The following ZNF138 variants were observed in gnomAD, a reference collection of about 807,000 sequenced individuals.
The protein encoded by ZNF138 is zinc finger protein 138.
In ZNF138, 33 loss-of-function variants were observed where a neutral mutation model predicts 33.0. The ratio of observed to expected loss-of-function variants is 1.00; its 90% CI spans 0.76 to 1.34. The LOEUF (loss-of-function observed/expected upper bound fraction) is 1.34. ZNF138 is among the 40% of genes most tolerant of loss of function. The probability of loss-of-function intolerance (pLI) is 0.00; values close to 1 mark genes in which losing one functional copy is unlikely to be tolerated. For missense variants in ZNF138, 360 were observed against 370.8 expected (o/e 0.97, Z 0.24); for synonymous variants, 139 against 120.4 (o/e 1.15, Z -1.01).
intron 1 of ZNF138, among the ~76,000 whole-genome samples, chr7:64,805,214 T>C (rs6964731): frequency 0.99 from 149,969 of 152,210 alleles, 73,918 homozygotes; most frequent in East Asian, 1. Flanking sequence ...CTGACCAACA[T>C]GGTGAAACCC....
intron 3 of ZNF138, chr7:64,830,872 T>C: frequency 5.5e-6 from 8 of 1,453,044 alleles, no homozygotes; most frequent in Non-Finnish European, 7.3e-6. Context: ...AGGGTTTTTT[T>C]AGTTCATTCT....
intron 1 of ZNF138, among the ~76,000 whole-genome samples, chr7:64,798,219 G>T (rs1462477525): frequency 4.6e-5 from 7 of 152,220 alleles, no homozygotes; most frequent in African/African-American, 7.2e-5. Context: ...GGGATTACAG[G>T]CGTGAGCCAC....
At chr7:64,839,313 G>T in the ZNF138 span, among the ~76,000 whole-genome samples, 1 of 152,166 alleles carries the variant, frequency 6.6e-6, no homozygotes. Flanking sequence ...CCCTAAGGGG[G>T]TGTTTTGCGT....
chr7:64,854,776 C>T, the ZNF138 span, among the ~76,000 whole-genome samples: 1 of 152,116 alleles, frequency 6.6e-6, no homozygotes, highest in African/African-American at 2.4e-5. Context: ...TTTTTGAAAT[C>T]TAAAATCCTG....
intron 1 of ZNF138, among the ~76,000 whole-genome samples, chr7:64,807,011 C>T (rs1265236366): frequency 6.6e-6 from 1 of 152,180 alleles, no homozygotes; most frequent in Non-Finnish European, 1.5e-5. Context: ...CACACCTGGC[C>T]CACCCAGGGT....
the ZNF138 span, among the ~76,000 whole-genome samples, chr7:64,842,271 C>T: frequency 6.6e-6 from 1 of 151,194 alleles, no homozygotes; most frequent in Admixed American, 6.6e-5. Context: ...ACCATGTTGG[C>T]CAGGCTGGTC....
intron 1 of ZNF138, among the ~76,000 whole-genome samples, chr7:64,800,706 TGAAGGA>T (rs1351068657): frequency 6.6e-6 from 1 of 152,216 alleles, no homozygotes; most frequent in Non-Finnish European, 1.5e-5. Context: ...CCTAATGAGT[TGAAGGA>T]GGGAGTGTCT....
At chr7:64,798,976 A>C (rs1786920530) in intron 1 of ZNF138, among the ~76,000 whole-genome samples, 1 of 149,916 alleles carries the variant, frequency 6.7e-6, no homozygotes, top group Non-Finnish European at 1.5e-5. Flanking sequence ...TTCAAGTTGG[A>C]TAATGTAATG....
At chr7:64,855,281 G>A in the ZNF138 span, among the ~76,000 whole-genome samples, 1 of 152,136 alleles carries the variant, frequency 6.6e-6, no homozygotes, top group African/African-American at 2.4e-5. Flanking sequence ...ATCTTACTCT[G>A]CCTCCCAAAG....
chr7:64,828,485 AGTT>A (rs1303021474), intron 3 of ZNF138, among the ~76,000 whole-genome samples: 3 of 152,096 alleles, frequency 2.0e-5, no homozygotes, highest in Non-Finnish European at 4.4e-5. Context: ...TTATGCTTAT[AGTT>A]GTTACAATAT....
chr7:64,849,602 G>A, the ZNF138 span, among the ~76,000 whole-genome samples: 6 of 152,128 alleles, frequency 3.9e-5, no homozygotes, highest in East Asian at 1.2e-3. Context: ...CCTCTGCTTG[G>A]GCGGGGTTTG....
chr7:64,837,746 A>T (rs1790405260), downstream of ZNF138, among the ~76,000 whole-genome samples: 2 of 152,192 alleles, frequency 1.3e-5, no homozygotes, highest in Non-Finnish European at 2.9e-5. Context: ...TTTTGGAGAT[A>T]AAAGCAGGCC....
chr7:64,852,606 C>A, the ZNF138 span: 1 of 1,519,444 alleles, frequency 6.6e-7, no homozygotes, highest in Non-Finnish European at 9.1e-7. Flanking sequence ...ATCAGAAGCC[C>A]GCCTGTCCTG....
the ZNF138 span, among the ~76,000 whole-genome samples, chr7:64,840,877 G>A: frequency 6.6e-6 from 1 of 152,036 alleles, no homozygotes; most frequent in East Asian, 1.9e-4. Flanking sequence ...TATATATGAG[G>A]ATGAGTCTGT....
chr7:64,854,601 A>G, the ZNF138 span, among the ~76,000 whole-genome samples: 2 of 152,244 alleles, frequency 1.3e-5, no homozygotes, highest in Non-Finnish European at 2.9e-5. Flanking sequence ...TTAGATTAAC[A>G]TGACAAAAGT....
chr7:64,815,500 G>A lies in ZNF138; in HGVS notation c.131-76G>A. ...TTCTCTTTACTGAGCACATTACTAG[G>A]TTGGTAATTGGAGAATATGAGCCAG... On this transcript the variant is annotated intron_variant, in intron 2 of 3. Transcript: ENST00000307355. 4 of 1,311,900 alleles carry A rather than the reference G, an allele frequency of 3.0e-6. No individual in the cohort carries two copies. In the South Asian group the frequency reaches 5.2e-5, roughly 17 times the overall value. 81.3% of individuals were successfully genotyped at this position (1,311,900 alleles called of 1,614,324 possible).
At chr7:64,851,112 TTTACTC>T in the ZNF138 span, among the ~76,000 whole-genome samples, 15 of 152,264 alleles carry the variant, frequency 9.9e-5, no homozygotes, top group African/African-American at 3.6e-4. Flanking sequence ...ACACTTGAAA[TTTACTC>T]TTAGTTATTC....
intron 1 of ZNF138, among the ~76,000 whole-genome samples, chr7:64,803,567 A>G (rs1156922675): frequency 6.6e-6 from 1 of 152,218 alleles, no homozygotes; most frequent in Non-Finnish European, 1.5e-5. Flanking sequence ...AACAATTAGC[A>G]TAGTTATGTG....
chr7:64,815,341 C>T (rs1010000645), intron 2 of ZNF138, among the ~76,000 whole-genome samples: 1 of 152,098 alleles, frequency 6.6e-6, no homozygotes, highest in Non-Finnish European at 1.5e-5. Context: ...TAACTCCCAA[C>T]ACCAATTATT....
Sources: gnomAD v4.1 joint callset for allele counts (sites outside exome capture counted in the v4.1 genomes callset) on GRCh38, gnomAD v4.1.1 for gene constraint, MANE v1.5 for transcripts, NCBI Gene and HGNC (gene_info 2026-07-23, HGNC 2026-07-21) for gene names.